MINK1: variants seen among roughly 807,000 people sequenced by gnomAD.
MINK1 encodes the protein misshapen like kinase 1.
In MINK1, 46 loss-of-function variants were observed where a neutral mutation model predicts 178.4. The ratio of observed to expected loss-of-function variants is 0.26; its 90% CI spans 0.20 to 0.33. The LOEUF is 0.33. MINK1 is among the 10% of genes least tolerant of loss of function. MINK1 has a pLI of 1.00. For missense variants in MINK1, 1,366 were observed against 1,814.9 expected (o/e 0.75, Z 4.49); for synonymous variants, 797 against 709.7 (o/e 1.12, Z -1.96).
At chr17:4,875,211 A>C in intron 1 of MINK1, 1 of 519,194 alleles carries the variant, frequency 1.9e-6, no homozygotes, top group South Asian at 1.4e-5. Flanking sequence ...GACTTTTTTC[A>C]GGTTCCTTCC....
Position 4,833,507 on chromosome 17 carries a change from G to C in MINK1, c.-77G>C. 1 of 1,274,840 alleles carries C rather than the reference G, an allele frequency of 7.8e-7. No homozygotes were observed. Among genetic ancestry groups the C allele is most frequent in the Non-Finnish European group, 1.1e-6 (1 of 935,082 alleles). The allele number at this position is 1,274,840 out of a possible 1,614,324, so 79.0% of individuals were successfully genotyped here. A position where few individuals can be genotyped will look rare whatever the true frequency, so the allele number is the denominator to read the frequency against. On this transcript the variant is annotated 5_prime_UTR_variant, in exon 1 of 32. Transcript: ENST00000355280. This position sits in a 1 kb window ranked among gnomAD's most constrained non-coding sequence, Gnocchi z 4.8. ...CCGCCCCCGGGGTTCTCCGATGGGG[G>C]AGAAGCGGCGACGGCGGCAGTGGAG...
intron 4 of MINK1, among the ~76,000 whole-genome samples, chr17:4,882,165 G>C (rs1416696853): frequency 6.6e-6 from 1 of 152,242 alleles, no homozygotes; most frequent in Non-Finnish European, 1.5e-5. Flanking sequence ...TAGTGGCCGG[G>C]CGCCCCCTTC....
chr17:4,847,323 C>T (rs549350317), intron 1 of MINK1: 1 of 437,252 alleles, frequency 2.3e-6, no homozygotes, highest in African/African-American at 2.0e-5. Flanking sequence ...ACTGCATCCT[C>T]TGCCTCCTCG....
intron 1 of MINK1, chr17:4,859,387 C>T (rs1913749409): frequency 2.4e-6 from 2 of 846,738 alleles, no homozygotes; most frequent in South Asian, 1.1e-4. Context: ...CAATCTTACT[C>T]TTTATATTTT....
At position 4,836,380 on chromosome 17, in the gene MINK1, C is replaced by A. The variant is rs1048203213; in HGVS notation, c.57+2740C>A. On this transcript the variant is annotated intron_variant, in intron 1 of 31. Transcript: ENST00000355280. This position sits in a 1 kb window ranked among gnomAD's most constrained non-coding sequence, Gnocchi z 4.3. ...TGTGTGGGGAGGCCAGATGGACCTG[C>A]TACTTTGTAGCCACAGCCACACTTG... is the stretch of plus-strand genomic sequence containing the variant. Among the ~76,000 whole-genome samples, 4 of 152,158 alleles carry A rather than the reference C, an allele frequency of 2.6e-5. No individual in the cohort carries two copies. The highest frequency in any genetic ancestry group is 9.7e-5 in the African/African-American group (4 of 41,438).
chr17:4,859,036 G>A (rs2150869996), intron 1 of MINK1: 1 of 754,128 alleles, frequency 1.3e-6, no homozygotes, highest in Non-Finnish European at 1.6e-6. Flanking sequence ...CCTGTCAGGG[G>A]TAGGATGGCA....
In MINK1 at chr17:4,896,780, G is replaced by A. The variant is rs774048668; in HGVS notation, c.3882G>A (p.Gln1294=). ...GGGTCTTCATGCACAAACGAGCTCA[G>A]AGGCTCAAGTTCCTGTGTGAGCGGA... The part of the protein sequence containing the change: ...LDGVFMHKRA[Q]RLKFLCERND... Residue 1294 remains glutamine, a synonymous_variant, in exon 31 of 32, where the codon CAG becomes CAA. Transcript: ENST00000355280. This position sits in a 1 kb window ranked among gnomAD's most constrained non-coding sequence, Gnocchi z 4.6. 3.2e-6 allele frequency: 5 copies of A among 1,585,384 alleles called. No individual in the cohort carries two copies. In the Admixed American group the frequency reaches 5.3e-5, roughly 17 times the overall value.
intron 1 of MINK1, chr17:4,844,641 G>A (rs780146274): frequency 2.8e-5 from 13 of 468,290 alleles, no homozygotes; most frequent in Non-Finnish European, 5.5e-5. Context: ...GCTCCACGGG[G>A]CTCGTACCCA....
rs1390379280 is a variant in MINK1 at position 4,867,436 on chromosome 17, G to A, written c.58-10881G>A. On this transcript the variant is annotated intron_variant, in intron 1 of 31. Coordinates refer to ENST00000355280, the MANE Select transcript of MINK1 (RefSeq NM_153827.5). ...AGGCTGAGGCAGGAGGATCACTTGA[G>A]CCCAGGAGTTTGAGACCAGCCTGGG... 2.0e-5 allele frequency among the ~76,000 whole-genome samples: 3 copies of A among 151,256 alleles called. No individual in the cohort carries two copies. In the South Asian group the frequency reaches 6.3e-4, roughly 32 times the overall value.
In MINK1 at chr17:4,880,965, A is replaced by T. The variant is rs193076973; in HGVS notation, c.124-19A>T. 3.4e-6 allele frequency: 5 copies of T among 1,479,904 alleles called. No homozygotes were observed. The Admixed American group carries it at 9.5e-5, about 28-fold the overall frequency. The allele number at this position is 1,479,904 out of a possible 1,614,324, so 91.7% of individuals were successfully genotyped here. A position where few individuals can be genotyped will look rare whatever the true frequency, so the allele number is the denominator to read the frequency against. On this transcript the variant is annotated intron_variant, in intron 2 of 31. Coordinates refer to ENST00000355280, the MANE Select transcript of MINK1 (RefSeq NM_153827.5). Reference sequence around the variant, plus strand: ...CGCTCCACCCTCTGAGCATAGACTCAGATCCCTCTGTCCCGCAGGGTCGGC... The same window carrying T: ...CGCTCCACCCTCTGAGCATAGACTCTGATCCCTCTGTCCCGCAGGGTCGGC...
chr17:4,890,020 T>A, intron 13 of MINK1: 1 of 468,246 alleles, frequency 2.1e-6, no homozygotes, highest in East Asian at 4.0e-5. Flanking sequence ...CCTCATTCCC[T>A]GTGCCCTCTT....
At chr17:4,897,103 CCTCAA>C (rs1487722558) in intron 31 of MINK1, 96 bp from the exon 32 acceptor site, 6 of 1,050,062 alleles carry the variant, frequency 5.7e-6, no homozygotes, top group East Asian at 2.6e-5. Context: ...TCTGTGTCTC[CCTCAA>C]CTCTTCTGCC....
At chr17:4,891,335 A>T in intron 15 of MINK1, 121 bp from the exon 16 acceptor site, 1 of 1,362,178 alleles carries the variant, frequency 7.3e-7, no homozygotes, top group Non-Finnish European at 9.8e-7. Flanking sequence ...AGGCTCAAGG[A>T]ACCCCTTGTC....
chr17:4,881,939 A>G (rs1317423236), intron 4 of MINK1, among the ~76,000 whole-genome samples: 1 of 152,272 alleles, frequency 6.6e-6, no homozygotes, highest in Admixed American at 6.5e-5. Context: ...TTTGGCGCTG[A>G]CGCCAGGTCT....
chr17:4,846,586 C>G (rs1375479523), intron 1 of MINK1, among the ~76,000 whole-genome samples: 2 of 152,190 alleles, frequency 1.3e-5, no homozygotes, highest in African/African-American at 4.8e-5. Context: ...TACAGTCTGC[C>G]TGGATGTTGT....
rs994122552 is a variant in MINK1, at chr17:4,890,971, G to A, written c.1587G>A (p.Met529Ile). The change falls in exon 15 of 32, where the codon ATG becomes ATA. Residue 529 changes from methionine (M) to isoleucine (I), a missense_variant. By Grantham distance (10) the Met-to-Ile change is conservative (BLOSUM62 1). This residue lies in a region of MINK1 where 709 missense variants were observed against 692.3 expected (regional missense o/e 1.02). Transcript: ENST00000355280. ...CACAGGTAGAAGAGAGAACAAGGAT[G>A]AACAAGCAGCAGAACTCTCCCTTGG... Reference protein sequence around the residue: ...WAREVEERTRMNKQQNSPLAK... With the variant: ...WAREVEERTRINKQQNSPLAK... 1 of 1,557,940 alleles carries A rather than the reference G, an allele frequency of 6.4e-7. No homozygotes were observed. The highest frequency in any genetic ancestry group is 8.7e-7 in the Non-Finnish European group (1 of 1,150,762).
rs946913182 is a variant in MINK1 at position 4,878,685 on chromosome 17, C to T, written c.123+303C>T. On this transcript the variant is annotated intron_variant, in intron 2 of 31. Transcript: ENST00000355280. Reference sequence around the variant, plus strand: ...GCATACGGCCTTGTGTGTCAGAACTCTCCTGGGATTCAGAGAGAGCTAAGG... The same window carrying T: ...GCATACGGCCTTGTGTGTCAGAACTTTCCTGGGATTCAGAGAGAGCTAAGG... Among the ~76,000 whole-genome samples the T allele has an allele frequency of 2.0e-5, 3 of 152,194 alleles. No individual in the cohort carries two copies. The East Asian group carries it at 5.8e-4, about 29-fold the overall frequency.
At chr17:4,891,218 A>ACC in intron 15 of MINK1, 94 bp downstream of exon 15, 1 of 1,154,850 alleles carries the variant, frequency 8.7e-7, no homozygotes, top group Non-Finnish European at 1.2e-6. Flanking sequence ...ACACACACAC[A>ACC]CACACACCTG....
chr17:4,857,407 A>C (rs1913340730), intron 1 of MINK1: 1 of 150,244 alleles, frequency 6.7e-6, no homozygotes, highest in African/African-American at 2.5e-5. Context: ...AAGGATGGGC[A>C]TGGCAGAGAG....
Sources: gnomAD v4.1 joint callset for allele counts (sites outside exome capture counted in the v4.1 genomes callset) on GRCh38, gnomAD v4.1.1 for gene constraint, gnomAD v4.1.1 regional missense constraint, Gnocchi (gnomAD v3.1) non-coding constraint, MANE v1.5 for transcripts, NCBI Gene and HGNC (gene_info 2026-07-23, HGNC 2026-07-21) for gene names.